Variants in ATE1 observed in about 807,000 individuals in gnomAD.
ATE1 encodes arginyltransferase 1.
In ATE1, 36 loss-of-function variants were observed where a neutral mutation model predicts 70.5. The ratio of observed to expected loss-of-function variants is 0.51; its 90% CI spans 0.39 to 0.67. The LOEUF (loss-of-function observed/expected upper bound fraction) is 0.67. Ranked by LOEUF, ATE1 falls within the 30% of genes least tolerant of loss-of-function variation. The probability of loss-of-function intolerance (pLI) is 0.00; values close to 1 mark genes in which losing one functional copy is unlikely to be tolerated. For synonymous variants in ATE1, 232 were observed against 219.3 expected, an observed-to-expected ratio of 1.06 and a Z score of -0.51; for missense variants, 593 against 629.5, an observed-to-expected ratio of 0.94 and a Z score of 0.62.
intron 8 of ATE1, among the ~76,000 whole-genome samples, chr10:121,859,699 T>C (rs1949399507): frequency 6.6e-6 from 1 of 152,006 alleles, no homozygotes; most frequent in Non-Finnish European, 1.5e-5. Flanking sequence ...CCCAACACTA[T>C]GGGAGGCCAA....
chr10:121,743,508 T>G lies in ATE1; in HGVS notation c.*172A>C. The G allele has an allele frequency of 5.6e-6, 7 of 1,251,352 alleles. No individual in the cohort carries two copies. The highest frequency in any genetic ancestry group is 7.1e-6 in the Non-Finnish European group (7 of 981,818). The allele number at this position is 1,251,352 out of a possible 1,614,324, so 77.5% of individuals were successfully genotyped here. On this transcript the variant is annotated 3_prime_UTR_variant, in exon 12 of 12. Coordinates refer to ENST00000224652, the MANE Select transcript of ATE1 (RefSeq NM_001001976.3). ...AGTTTTAAAATCTTTATATTAACTA[T>G]GAGATTCTCACAGATACATTGCCAC...
chr10:121,923,629 G>A (rs1018649621), intron 2 of ATE1, among the ~76,000 whole-genome samples: 12 of 152,222 alleles, frequency 7.9e-5, no homozygotes, highest in Middle Eastern at 3.4e-3. Flanking sequence ...AAGTATTAGC[G>A]TACAGTATTT....
At chr10:121,795,212 C>A (rs189868153) in intron 10 of ATE1, among the ~76,000 whole-genome samples, 15 of 152,214 alleles carry the variant, frequency 9.9e-5, no homozygotes, top group African/African-American at 3.1e-4. Flanking sequence ...CGCACCTCTG[C>A]ACTCCAGCCT....
intron 7 of ATE1, among the ~76,000 whole-genome samples, chr10:121,879,203 G>A (rs536530590): frequency 7.2e-5 from 11 of 152,098 alleles, no homozygotes; most frequent in African/African-American, 1.9e-4. Context: ...TCAGTGTCCC[G>A]GATGTTTTTT....
chr10:121,844,787 CTT>C (rs1317966830), intron 8 of ATE1, among the ~76,000 whole-genome samples: 1 of 152,028 alleles, frequency 6.6e-6, no homozygotes, highest in Non-Finnish European at 1.5e-5. Flanking sequence ...ACACGAGAAA[CTT>C]TACATATTGC....
chr10:121,743,626 T>G lies in ATE1; in HGVS notation c.*54A>C. 3.3e-6 allele frequency: 5 copies of G among 1,512,162 alleles called. No homozygotes were observed. Among genetic ancestry groups the G allele is most frequent in the Non-Finnish European group, 3.5e-6 (4 of 1,133,894 alleles). The allele number at this position is 1,512,162 out of a possible 1,614,324, so 93.7% of individuals were successfully genotyped here. ...TTTCCCCACAGGTACTGAATATGTA[T>G]CCTGGCACAAATCATCAGCACAACA... On this transcript the variant is annotated 3_prime_UTR_variant, in exon 12 of 12. Coordinates refer to ENST00000224652, the MANE Select transcript of ATE1 (RefSeq NM_001001976.3).
chr10:121,763,349 A>G (rs1945134895), intron 11 of ATE1, among the ~76,000 whole-genome samples: 1 of 152,218 alleles, frequency 6.6e-6, no homozygotes, highest in Non-Finnish European at 1.5e-5. Context: ...CAACAAGTGG[A>G]AACAACAAAC....
chr10:121,795,203 G>T (rs923506068), intron 10 of ATE1, among the ~76,000 whole-genome samples: 1 of 152,028 alleles, frequency 6.6e-6, no homozygotes, highest in Non-Finnish European at 1.5e-5. Flanking sequence ...AGCCAAGATC[G>T]CACCTCTGCA....
At chr10:121,768,814 T>C (rs935183827) in intron 11 of ATE1, among the ~76,000 whole-genome samples, 1 of 152,172 alleles carries the variant, frequency 6.6e-6, no homozygotes, top group Non-Finnish European at 1.5e-5. Flanking sequence ...CTGTGATTCC[T>C]AAATAAATGT....
At chr10:121,757,173 CT>C (rs1944841975) in intron 11 of ATE1, among the ~76,000 whole-genome samples, 1 of 152,200 alleles carries the variant, frequency 6.6e-6, no homozygotes, top group Non-Finnish European at 1.5e-5. Context: ...TTCCGCCAGT[CT>C]CCTTGCTAAA....
chr10:121,923,500 T>G lies in ATE1; in HGVS notation c.170+766A>C, dbSNP rs183908159. Among the ~76,000 whole-genome samples the G allele has an allele frequency of 4.6e-5, 7 of 152,180 alleles. No individual in the cohort carries two copies. In the East Asian group the frequency reaches 1.4e-3, roughly 29 times the overall value. On this transcript the variant is annotated intron_variant, in intron 2 of 11. Transcript: ENST00000224652. ...GAGACCATGTCTCTAAAAAAAAAAG[T>G]TCCTTATCATGGCATGTGAAGTCCT... is the stretch of plus-strand genomic sequence containing the variant.
intron 10 of ATE1, among the ~76,000 whole-genome samples, chr10:121,829,957 T>C (rs562594710): frequency 6.6e-6 from 1 of 152,320 alleles, no homozygotes; most frequent in East Asian, 1.9e-4. Context: ...GATTTTACAA[T>C]AGTGTGCAAT....
chr10:121,869,110 A>G (rs1267064066), intron 8 of ATE1, among the ~76,000 whole-genome samples: 1 of 152,230 alleles, frequency 6.6e-6, no homozygotes, highest in African/African-American at 2.4e-5. Context: ...AGAACACAAA[A>G]TAGTGCCATG....
chr10:121,758,971 T>C (rs1944922356), intron 11 of ATE1, among the ~76,000 whole-genome samples: 1 of 151,830 alleles, frequency 6.6e-6, no homozygotes, highest in African/African-American at 2.4e-5. Flanking sequence ...GGCCTCCCTA[T>C]TTCCTGAAAC....
intron 10 of ATE1, among the ~76,000 whole-genome samples, chr10:121,798,532 G>C (rs944202653): frequency 6.6e-6 from 1 of 152,210 alleles, no homozygotes; most frequent in African/African-American, 2.4e-5. Flanking sequence ...ACTTCTCTCT[G>C]TATTTGTTAA....
At chr10:121,756,941 G>A (rs943875711) in intron 11 of ATE1, among the ~76,000 whole-genome samples, 3 of 152,228 alleles carry the variant, frequency 2.0e-5, no homozygotes, top group African/African-American at 7.2e-5. Context: ...TCTGCAAGCA[G>A]CTTGAATTCT....
intron 8 of ATE1, among the ~76,000 whole-genome samples, chr10:121,858,894 G>C (rs969522955): frequency 1.3e-5 from 2 of 151,712 alleles, no homozygotes; most frequent in Non-Finnish European, 2.9e-5. Flanking sequence ...TCGGGAGTTC[G>C]AGACCAGCCT....
chr10:121,869,481 G>A (rs980613198), intron 8 of ATE1, among the ~76,000 whole-genome samples: 1 of 152,220 alleles, frequency 6.6e-6, no homozygotes, highest in African/African-American at 2.4e-5. Context: ...AAACCATGAT[G>A]AGGATTAAAT....
At chr10:121,903,176 A>C (rs1300150774) in intron 5 of ATE1, among the ~76,000 whole-genome samples, 1 of 145,996 alleles carries the variant, frequency 6.8e-6, no homozygotes, top group African/African-American at 2.5e-5. Flanking sequence ...GGAATGAGCC[A>C]CCAGGCCCGG....
Sources: gnomAD v4.1 joint callset for allele counts (sites outside exome capture counted in the v4.1 genomes callset) on GRCh38, gnomAD v4.1.1 for gene constraint, MANE v1.5 for transcripts, NCBI Gene and HGNC (gene_info 2026-07-23, HGNC 2026-07-21) for gene names.